ITPR3: variants seen among roughly 807,000 people sequenced by gnomAD.
ITPR3 encodes the protein inositol 1,4,5-trisphosphate-gated calcium channel ITPR3.
Under a neutral mutation model 293.2 loss-of-function variants are expected in ITPR3, and 173 were observed. The ratio of observed to expected loss-of-function variants is 0.59; its 90% CI spans 0.52 to 0.67. ITPR3 has a LOEUF of 0.67. Ranked by LOEUF, ITPR3 falls within the 30% of genes least tolerant of loss-of-function variation. ITPR3 has a pLI of 0.00. For missense variants in ITPR3, 2,796 were observed against 3,592.1 expected (o/e 0.78, Z 5.66); for synonymous variants, 1,295 against 1,444.4 (o/e 0.90, Z 2.35).
Position 33,691,948 on chromosome 6 carries a change from C to T in ITPR3, c.7458+20C>T, listed in dbSNP as rs1765405518. 8 of 1,613,196 alleles carry T rather than the reference C, an allele frequency of 5.0e-6. No homozygotes were observed. The highest frequency in any genetic ancestry group is 6.8e-6 in the Non-Finnish European group (8 of 1,179,972). On this transcript the variant is annotated intron_variant, in intron 54 of 57. Coordinates refer to ENST00000605930, the MANE Select transcript of ITPR3 (RefSeq NM_002224.4). The surrounding 1 kb of genome is among the most constrained non-coding windows in gnomAD (Gnocchi z 4.9). ...AAAGATGTGAGCACTCCTGCCCACT[C>T]CCAAACCTGTGGGGCCCAAGCCACT...
rs57615419 is a variant in ITPR3, at chr6:33,683,073, T to TG, written c.4598-126dup. The TG allele has an allele frequency of 3.2e-4, 183 of 567,872 alleles. 1 individual carries two copies. Among genetic ancestry groups the TG allele is most frequent in the African/African-American group, 3.2e-3 (158 of 50,122 alleles). The allele number at this position is 567,872 out of a possible 1,614,324, so 35.2% of individuals were successfully genotyped here. A position where few individuals can be genotyped will look rare whatever the true frequency, so the allele number is the denominator to read the frequency against. ...TCAGTCCCTCAAGCATAGGCCGGGGTGGGGGGGGTCTCTGTCTCCCAGACC... is the reference window on the plus strand; with the variant it reads ...TCAGTCCCTCAAGCATAGGCCGGGGTGGGGGGGGGTCTCTGTCTCCCAGACC... On this transcript the variant is annotated intron_variant, in intron 34 of 57. Transcript: ENST00000605930. This position sits in a 1 kb window ranked among gnomAD's most constrained non-coding sequence, Gnocchi z 4.5.
rs1171284179 is a variant in ITPR3 at position 33,659,181 on chromosome 6, A to T, written c.627+62A>T. On this transcript the variant is annotated intron_variant, in intron 6 of 57. Coordinates refer to ENST00000605930, the MANE Select transcript of ITPR3 (RefSeq NM_002224.4). ...CGTCCACACACCCCTGGTGGTGTAG[A>T]CACCCCGCTCCCTGCCATGGTCTCT... 4.1e-6 allele frequency: 6 copies of T among 1,454,914 alleles called. No individual in the cohort carries two copies. In the South Asian group the frequency reaches 4.6e-5, roughly 11 times the overall value. The allele number at this position is 1,454,914 out of a possible 1,614,324, so 90.1% of individuals were successfully genotyped here.
rs55994614 is a variant in ITPR3 at position 33,664,841 on chromosome 6, C to T, written c.1149-29C>T. On this transcript the variant is annotated intron_variant, in intron 11 of 57. Coordinates refer to ENST00000605930, the MANE Select transcript of ITPR3 (RefSeq NM_002224.4). The surrounding 1 kb of genome is among the most constrained non-coding windows in gnomAD (Gnocchi z 4.4). Reference sequence around the variant, plus strand: ...ATGACGTGCTCTGTGGTGCACTCCCCGAGTCCTTTCCCTCCCACCCACCTG... The same window carrying T: ...ATGACGTGCTCTGTGGTGCACTCCCTGAGTCCTTTCCCTCCCACCCACCTG... 0.061 allele frequency: 97,166 copies of T among 1,603,480 alleles called. 3,113 individuals carry two copies. Among genetic ancestry groups the T allele is most frequent in the Non-Finnish European group, 0.066 (77,192 of 1,172,538 alleles).
At chr6:33,659,645 C>T in intron 7 of ITPR3, 96 bp downstream of exon 7, 1 of 1,025,258 alleles carries the variant, frequency 9.8e-7, no homozygotes, top group Non-Finnish European at 1.5e-6. Context: ...GCCTCAGGCC[C>T]TTACCCTCTC....
In ITPR3 at chr6:33,694,533, G is replaced by A. The variant is rs139928546; in HGVS notation, c.7786-391G>A. 6.7e-3 allele frequency: 1,750 copies of A among 259,636 alleles called. 27 individuals carry two copies. Among genetic ancestry groups the A allele is most frequent in the South Asian group, 0.029 (748 of 26,242 alleles). 16.1% of individuals were successfully genotyped at this position (259,636 alleles called of 1,614,324 possible). A position where few individuals can be genotyped will look rare whatever the true frequency, so the allele number is the denominator to read the frequency against. ...TGTCTGACTCGCGTCTTCCCGGGGCGTGGGGCGTGCTTGTCAGGCAGGCGG... is the reference window on the plus strand; with the variant it reads ...TGTCTGACTCGCGTCTTCCCGGGGCATGGGGCGTGCTTGTCAGGCAGGCGG... On this transcript the variant is annotated intron_variant, in intron 56 of 57. Transcript: ENST00000605930.
Position 33,672,760 on chromosome 6 carries a change from G to A in ITPR3, c.2928+532G>A, listed in dbSNP as rs909590416. On this transcript the variant is annotated intron_variant, in intron 22 of 57. Transcript: ENST00000605930. This position sits in a 1 kb window ranked among gnomAD's most constrained non-coding sequence, Gnocchi z 5.0. ...AAAGTAAAAGCGGGGAGGTAAAAGC[G>A]GGGGCCGGGGGGTGCTTTCCCAAGG... Among the ~76,000 whole-genome samples, 9 of 152,070 alleles carry A rather than the reference G, an allele frequency of 5.9e-5. No homozygotes were observed. Among genetic ancestry groups the A allele is most frequent in the African/African-American group, 1.9e-4 (8 of 41,406 alleles).
intron 2 of ITPR3, among the ~76,000 whole-genome samples, chr6:33,648,066 C>CTATTTCTTTTTCT (rs1764108373): frequency 2.3e-5 from 3 of 130,436 alleles, no homozygotes; most frequent in Non-Finnish European, 5.0e-5. Flanking sequence ...ATTTCTTTTT[C>CTATTTCTTTTTCT]TTTTTTTTTT....
chr6:33,627,377 A>T (rs922846631), intron 1 of ITPR3, among the ~76,000 whole-genome samples: 1 of 152,220 alleles, frequency 6.6e-6, no homozygotes, highest in African/African-American at 2.4e-5. Flanking sequence ...ACAATATCAA[A>T]CTGCACGTAT....
chr6:33,658,124 T>C lies in ITPR3; in HGVS notation c.369+106T>C. The C allele has an allele frequency of 1.0e-6, 1 of 957,384 alleles. No homozygotes were observed. The highest frequency in any genetic ancestry group is 1.6e-6 in the Non-Finnish European group (1 of 610,580). 59.3% of individuals were successfully genotyped at this position (957,384 alleles called of 1,614,324 possible). On this transcript the variant is annotated intron_variant, in intron 4 of 57. Transcript: ENST00000605930. The surrounding 1 kb of genome is among the most constrained non-coding windows in gnomAD (Gnocchi z 6.1). ...AGGCATTGCCCTCTGTGCATGTGTG[T>C]CCCCGGGTGAATGAGTGGCCCTGGG...
At chr6:33,626,253 C>T (rs1040237329) in intron 1 of ITPR3, among the ~76,000 whole-genome samples, 1 of 152,058 alleles carries the variant, frequency 6.6e-6, no homozygotes, top group African/African-American at 2.4e-5. Flanking sequence ...ATGCTTTGAA[C>T]AAGGCCCTGC....
Position 33,632,393 on chromosome 6 carries a change from C to T in ITPR3, c.90-8091C>T, listed in dbSNP as rs1223556287. Among the ~76,000 whole-genome samples the T allele has an allele frequency of 6.6e-6, 1 of 152,180 alleles. No individual in the cohort carries two copies. Among genetic ancestry groups the T allele is most frequent in the East Asian group, 1.9e-4 (1 of 5,200 alleles). On this transcript the variant is annotated intron_variant, in intron 1 of 57. Coordinates refer to ENST00000605930, the MANE Select transcript of ITPR3 (RefSeq NM_002224.4). The surrounding 1 kb of genome is among the most constrained non-coding windows in gnomAD (Gnocchi z 4.1). ...ACCTGCCCCACTTCTATCTAGCTCC[C>T]TTCCTCCTCCTTATCTAATCTTTCC...
At chr6:33,674,169 G>C in intron 23 of ITPR3, 39 bp from the exon 24 acceptor site, 1 of 1,612,152 alleles carries the variant, frequency 6.2e-7, no homozygotes. Context: ...TTCCCGGGCT[G>C]GGCCTACAAT....
chr6:33,665,201 A>G lies in ITPR3; in HGVS notation c.1397A>G (p.Gln466Arg). 6.2e-7 allele frequency: 1 copy of G among 1,613,826 alleles called. No individual in the cohort carries two copies. Among genetic ancestry groups the G allele is most frequent in the Non-Finnish European group, 8.5e-7 (1 of 1,179,780 alleles). ...VEKLNEGFIS[Q>R]NDRRFVIQLL... ...AAACTCAACGAGGGCTTCATCAGCC[A>G]GAATGACCGCAGGTGGGCTGCAGTG... Residue 466 changes from glutamine to arginine, a missense_variant, in exon 13 of 58, where the codon CAG becomes CGG. Transcript: ENST00000605930.
At chr6:33,643,452 G>A (rs1364576318) in intron 2 of ITPR3, among the ~76,000 whole-genome samples, 1 of 152,214 alleles carries the variant, frequency 6.6e-6, no homozygotes, top group Admixed American at 6.5e-5. Flanking sequence ...TATTTCCAGA[G>A]CTGGCAAGGC....
rs769956621 is a variant in ITPR3, at chr6:33,695,700, G to C, written c.7948-12G>C. The C allele has an allele frequency of 1.2e-6, 2 of 1,614,018 alleles. No individual in the cohort carries two copies. The highest frequency in any genetic ancestry group is 4.5e-5 in the East Asian group (2 of 44,890). On this transcript the variant is annotated splice_polypyrimidine_tract_variant and intron_variant, in intron 57 of 57. Coordinates refer to ENST00000605930, the MANE Select transcript of ITPR3 (RefSeq NM_002224.4). Reference sequence around the variant, plus strand: ...GGCCTGACCAGGCCTGTTGGCATCTGCTTAACCCTAGATGACGGAGCAGCG... The same window carrying C: ...GGCCTGACCAGGCCTGTTGGCATCTCCTTAACCCTAGATGACGGAGCAGCG...
Position 33,665,150 on chromosome 6 carries a change from G to C in ITPR3, c.1346G>C (p.Ser449Thr). 4 of 1,614,196 alleles carry C rather than the reference G, an allele frequency of 2.5e-6. No individual in the cohort carries two copies. The highest frequency in any genetic ancestry group is 3.4e-6 in the Non-Finnish European group (4 of 1,180,042). Residue 449 changes from serine to threonine, a missense_variant, in exon 13 of 58, where the codon AGC becomes ACC. Physicochemically the swap from Ser to Thr is moderately conservative, Grantham distance 58. Coordinates refer to ENST00000605930, the MANE Select transcript of ITPR3 (RefSeq NM_002224.4). Reference sequence around the variant, plus strand: ...GACCTGGACTTTGCCAATGACGCCAGCTCCATGCTGGCCAGTGCCGTGGAG... The same window carrying C: ...GACCTGGACTTTGCCAATGACGCCACCTCCATGCTGGCCAGTGCCGTGGAG... The part of the protein sequence containing the change: ...IRDLDFANDA[S>T]SMLASAVEKL...
intron 41 of ITPR3, 59 bp from the exon 42 acceptor site, chr6:33,685,994 G>A: frequency 6.3e-7 from 1 of 1,594,172 alleles, no homozygotes; most frequent in Non-Finnish European, 8.6e-7. Flanking sequence ...GTGCTTCCCA[G>A]GCCAGCCTCC....
At position 33,679,804 on chromosome 6, in the gene ITPR3, C is replaced by T; in HGVS notation, c.3973-78C>T. ...GGCTGTGGTCAGAGTCCCAGTTTCT[C>T]CCTGGTAAGCAACGGAGAGGAGAGC... On this transcript the variant is annotated intron_variant, in intron 30 of 57. Transcript: ENST00000605930. The surrounding 1 kb of genome is among the most constrained non-coding windows in gnomAD (Gnocchi z 4.2). The T allele has an allele frequency of 1.3e-6, 2 of 1,522,656 alleles. No individual in the cohort carries two copies. Among genetic ancestry groups the T allele is most frequent in the African/African-American group, 2.7e-5 (2 of 72,936 alleles). 94.3% of individuals were successfully genotyped at this position (1,522,656 alleles called of 1,614,324 possible). A position where few individuals can be genotyped will look rare whatever the true frequency, so the allele number is the denominator to read the frequency against.
chr6:33,639,491 T>C (rs553014055), intron 1 of ITPR3, among the ~76,000 whole-genome samples: 2 of 152,108 alleles, frequency 1.3e-5, no homozygotes, highest in East Asian at 1.9e-4. Context: ...TTATTTAATA[T>C]TCAGATTCGG....
Sources: gnomAD v4.1 joint callset for allele counts (sites outside exome capture counted in the v4.1 genomes callset) on GRCh38, gnomAD v4.1.1 for gene constraint, Gnocchi (gnomAD v3.1) non-coding constraint, MANE v1.5 for transcripts, NCBI Gene and HGNC (gene_info 2026-07-23, HGNC 2026-07-21) for gene names.